The following FHIT variants were observed in gnomAD, a reference collection of about 807,000 sequenced individuals.
The protein encoded by FHIT is bis(5'-adenosyl)-triphosphatase.
FHIT carries 19 observed loss-of-function variants against 17.9 expected under a neutral mutation model. The ratio of observed to expected loss-of-function variants is 1.06; its 90% CI spans 0.74 to 1.56. FHIT has a LOEUF of 1.56. Among genes scored for constraint, FHIT ranks in the 40% most tolerant of loss-of-function variants. The probability of loss-of-function intolerance (pLI) is 0.00; values close to 1 mark genes in which losing one functional copy is unlikely to be tolerated. For synonymous variants in FHIT, 81 were observed against 69.7 expected (o/e 1.16, Z -0.81); for missense variants, 248 against 189.2 (o/e 1.31, Z -1.82).
rs570022296 is a variant in FHIT, at chr3:59,901,700, G to A, written c.348+20646C>T. The stretch of plus-strand genomic sequence containing the variant: ...ATTGGTAAGAATGTAAAATGGCAAC[G>A]CTGCTTTGAAAATGGTCTGGAAGTA... On this transcript the variant is annotated intron_variant, in intron 8 of 9. Coordinates refer to ENST00000492590, the MANE Select transcript of FHIT (RefSeq NM_002012.4). Among the ~76,000 whole-genome samples, 16 of 152,270 alleles carry A rather than the reference G, an allele frequency of 1.1e-4. No individual in the cohort carries two copies. The East Asian group carries it at 1.7e-3, about 17-fold the overall frequency.
At position 60,538,229 on chromosome 3, in the gene FHIT, T is replaced by C. The variant is rs186793961; in HGVS notation, c.-17-1250A>G. 6.2e-3 allele frequency among the ~76,000 whole-genome samples: 936 copies of C among 152,118 alleles called. 12 individuals carry two copies. Among genetic ancestry groups the C allele is most frequent in the Non-Finnish European group, 6.2e-3 (418 of 67,964 alleles). On this transcript the variant is annotated intron_variant, in intron 4 of 9. Transcript: ENST00000492590. ...ATAAAATACCTAGGAATCTAACTTA[T>C]AAGGGATGTGAAGGACCTCTTCAAG...
chr3:59,862,015 A>G (rs780710), intron 8 of FHIT, among the ~76,000 whole-genome samples: 9 of 90,188 alleles, frequency 1.0e-4, no homozygotes, highest in African/African-American at 2.8e-4. Context: ...TGCCTTTGGG[A>G]AAAAAAAAAA....
intron 4 of FHIT, among the ~76,000 whole-genome samples, chr3:60,733,489 C>T (rs1553711830): frequency 6.6e-6 from 1 of 152,014 alleles, no homozygotes; most frequent in Non-Finnish European, 1.5e-5. Context: ...AGATCGAGAC[C>T]TCTGGGTTAT....
At chr3:60,022,139 C>T (rs1278846210) in intron 5 of FHIT, among the ~76,000 whole-genome samples, 1 of 152,102 alleles carries the variant, frequency 6.6e-6, no homozygotes, top group Admixed American at 6.5e-5. Flanking sequence ...CTTTGGAAAC[C>T]TTGAGCATCA....
chr3:60,304,048 C>G (rs1708560065), intron 5 of FHIT, among the ~76,000 whole-genome samples: 1 of 152,158 alleles, frequency 6.6e-6, no homozygotes, highest in African/African-American at 2.4e-5. Flanking sequence ...TGCACCTTGG[C>G]TCTTGCTTGT....
At chr3:60,826,623 C>A (rs921315331) in intron 3 of FHIT, among the ~76,000 whole-genome samples, 1 of 152,178 alleles carries the variant, frequency 6.6e-6, no homozygotes, top group Non-Finnish European at 1.5e-5. Context: ...AGCAGACTGT[C>A]TCAGCGTGGA....
At chr3:59,792,154 A>T (rs928368211) in intron 8 of FHIT, among the ~76,000 whole-genome samples, 6 of 152,184 alleles carry the variant, frequency 3.9e-5, no homozygotes, top group African/African-American at 1.4e-4. Flanking sequence ...TAAATTGTTC[A>T]TAAGTCCCTT....
intron 7 of FHIT, among the ~76,000 whole-genome samples, chr3:60,009,941 G>A (rs1013611407): frequency 6.6e-6 from 1 of 152,126 alleles, no homozygotes; most frequent in Non-Finnish European, 1.5e-5. Context: ...ATAAGTTTTA[G>A]CTATGCTTAC....
chr3:59,994,876 C>A (rs551286686), intron 7 of FHIT, among the ~76,000 whole-genome samples: 1 of 152,074 alleles, frequency 6.6e-6, no homozygotes, highest in Admixed American at 6.6e-5. Flanking sequence ...GTTACTTTGA[C>A]GCCACACCTG....
chr3:60,584,555 C>T (rs1240808109), intron 4 of FHIT, among the ~76,000 whole-genome samples: 1 of 151,978 alleles, frequency 6.6e-6, no homozygotes, highest in African/African-American at 2.4e-5. Context: ...ATGCATTCCC[C>T]TTTTATATTA....
At chr3:61,043,483 A>G (rs1025355683) in intron 2 of FHIT, among the ~76,000 whole-genome samples, 1 of 152,192 alleles carries the variant, frequency 6.6e-6, no homozygotes, top group Non-Finnish European at 1.5e-5. Flanking sequence ...CAGAAACTCA[A>G]ACTGGGTGGA....
At chr3:60,082,539 A>T (rs1559616528) in intron 5 of FHIT, among the ~76,000 whole-genome samples, 1 of 152,152 alleles carries the variant, frequency 6.6e-6, no homozygotes, top group Non-Finnish European at 1.5e-5. Flanking sequence ...AAGTTCACTG[A>T]AAAACCTCCC....
intron 3 of FHIT, among the ~76,000 whole-genome samples, chr3:60,887,842 T>C (rs1178168118): frequency 6.6e-6 from 1 of 152,096 alleles, no homozygotes; most frequent in African/African-American, 2.4e-5. Context: ...TTTTAGCCTG[T>C]CTATAAGTAC....
intron 5 of FHIT, among the ~76,000 whole-genome samples, chr3:60,179,610 A>T (rs1018588046): frequency 2.6e-5 from 4 of 152,144 alleles, no homozygotes; most frequent in African/African-American, 9.7e-5. Flanking sequence ...AGGAAAACTT[A>T]TAAGAAATTC....
chr3:61,128,995 G>A (rs191457555), intron 2 of FHIT, among the ~76,000 whole-genome samples: 15 of 152,224 alleles, frequency 9.9e-5, no homozygotes, highest in African/African-American at 2.4e-4. Context: ...AAGGTGCAAC[G>A]TAAGGAGGGC....
rs1559779075 is a variant in FHIT, at chr3:60,860,439, AT to A, written c.-110-38429del. Reference sequence around the variant, plus strand: ...TATGTATATATGATACATATATATCATGTATATATGATACATATGTACATAT... The same window carrying A: ...TATGTATATATGATACATATATATCAGTATATATGATACATATGTACATAT... On this transcript the variant is annotated intron_variant, in intron 3 of 9. Coordinates refer to ENST00000492590, the MANE Select transcript of FHIT (RefSeq NM_002012.4). 6.8e-4 allele frequency among the ~76,000 whole-genome samples: 88 copies of A among 130,040 alleles called. 1 individual carries two copies. The highest frequency in any genetic ancestry group is 2.4e-3 in the African/African-American group (84 of 34,314). The allele number at this position is 130,040 out of a possible 152,430, so 85.3% of individuals were successfully genotyped here. A position where few individuals can be genotyped will look rare whatever the true frequency, so the allele number is the denominator to read the frequency against.
intron 8 of FHIT, among the ~76,000 whole-genome samples, chr3:59,759,979 A>T (rs1701424632): frequency 6.6e-6 from 1 of 152,190 alleles, no homozygotes; most frequent in Non-Finnish European, 1.5e-5. Flanking sequence ...TGGACTAAGC[A>T]CTAGACTGTG....
chr3:60,091,259 A>T (rs144131987), intron 5 of FHIT, among the ~76,000 whole-genome samples: 78 of 152,356 alleles, frequency 5.1e-4, no homozygotes, highest in African/African-American at 1.6e-3. Context: ...AGGCAAGGAC[A>T]TATGAGTTTG....
chr3:59,934,257 G>A (rs796233918), intron 7 of FHIT, among the ~76,000 whole-genome samples: 2 of 152,054 alleles, frequency 1.3e-5, no homozygotes, highest in African/African-American at 4.8e-5. Flanking sequence ...AAGAAACTAA[G>A]GCCGAGGAAC....
Sources: allele counts gnomAD v4.1 joint callset (sites outside exome capture counted in the v4.1 genomes callset), GRCh38; gene constraint gnomAD v4.1.1; transcripts MANE v1.5; gene names NCBI Gene and HGNC (gene_info 2026-07-23, HGNC 2026-07-21).